Variants in ZNF302 observed in about 807,000 individuals in gnomAD.
ZNF302 encodes zinc finger protein 302.
Under a neutral mutation model 10.8 loss-of-function variants are expected in ZNF302, and 12 were observed. That is an observed-to-expected ratio of 1.11 (90% CI 0.71 to 1.79). The LOEUF is 1.79. Among genes scored for constraint, ZNF302 ranks in the 40% most tolerant of loss-of-function variants. The pLI is 0.00. For missense variants in ZNF302, 461 were observed against 471.1 expected (o/e 0.98, Z 0.20); for synonymous variants, 178 against 157.5 (o/e 1.13, Z -0.98).
Position 34,685,585 on chromosome 19 carries a change from G to A in ZNF302, c.*348G>A. Reference sequence around the variant, plus strand: ...CCAATAGTGTGGTAAGTGTGGAAAAGCCTTTAGATCATATGAATCCCTATA... The same window carrying A: ...CCAATAGTGTGGTAAGTGTGGAAAAACCTTTAGATCATATGAATCCCTATA... On this transcript the variant is annotated 3_prime_UTR_variant, in exon 5 of 5. Coordinates refer to ENST00000505242, the MANE Select transcript of ZNF302 (RefSeq NM_001289187.2). 3.6e-6 allele frequency: 5 copies of A among 1,403,664 alleles called. No individual in the cohort carries two copies. In the South Asian group the frequency reaches 5.8e-5, roughly 16 times the overall value. 87.0% of individuals were successfully genotyped at this position (1,403,664 alleles called of 1,614,324 possible).
In ZNF302 at chr19:34,684,287, A is replaced by G. The variant is rs556329881; in HGVS notation, c.250A>G (p.Thr84Ala). The G allele has an allele frequency of 2.6e-5, 41 of 1,564,276 alleles. No homozygotes were observed. Among genetic ancestry groups the G allele is most frequent in the Middle Eastern group, 1.7e-4 (1 of 5,802 alleles). The part of the protein sequence containing the change: ...ESRWENKELS[T>A]KKDIYDEDSP... The stretch of plus-strand genomic sequence containing the variant: ...AAGATGGGAAAACAAGGAATTATCA[A>G]CAAAGAAGGATATTTATGATGAAGA... The change falls in exon 5 of 5, where the codon ACA becomes GCA. Residue 84 changes from threonine (T) to alanine (A), a missense_variant. Coordinates refer to ENST00000505242, the MANE Select transcript of ZNF302 (RefSeq NM_001289187.2).
rs773583834 is a variant in ZNF302, at chr19:34,682,906, A to G, written c.130+9A>G. On this transcript the variant is annotated intron_variant, in intron 3 of 4. Transcript: ENST00000505242. ...GAACCTGGTCTCTGTAGGTAAGGAT[A>G]TCACCCCTTCCACTCCAATAGGGGA... 11 of 1,613,112 alleles carry G rather than the reference A, an allele frequency of 6.8e-6. No homozygotes were observed. The highest frequency in any genetic ancestry group is 3.3e-4 in the Middle Eastern group (2 of 6,074).
upstream of ZNF302, chr19:34,676,264 C>T (rs1052183725): frequency 3.9e-5 from 6 of 152,214 alleles, no homozygotes; most frequent in African/African-American, 1.4e-4. Context: ...CAAGGCCCCA[C>T]CTGATCCAGA....
rs1002522651 is a variant in ZNF302 at position 34,685,235 on chromosome 19, T to C, written c.1198T>C (p.Ter400GlnextTer149). Residue 400 changes from the stop codon to glutamine (Q), a stop_lost, in exon 5 of 5, where the codon TAG becomes CAG. Coordinates refer to ENST00000505242, the MANE Select transcript of ZNF302 (RefSeq NM_001289187.2). ...IHTEEKPFEV[*>Q] ...TACTGAAGAAAAACCGTTTGAAGTTTAGAAATGCAGGAAATCCTTCAACCA... is the reference window on the plus strand; with the variant it reads ...TACTGAAGAAAAACCGTTTGAAGTTCAGAAATGCAGGAAATCCTTCAACCA... 1.6e-5 allele frequency: 26 copies of C among 1,612,988 alleles called. 1 individual carries two copies. In the Admixed American group the frequency reaches 3.5e-4, roughly 22 times the overall value.
chr19:34,676,441 T>C (rs914066238), upstream of ZNF302: 4 of 152,212 alleles, frequency 2.6e-5, no homozygotes, highest in Non-Finnish European at 5.9e-5. Flanking sequence ...AAATTGAAAT[T>C]GCCCACCTCT....
chr19:34,683,253 G>T lies in ZNF302; in HGVS notation c.214+15G>T. 1 of 1,613,604 alleles carries T rather than the reference G, an allele frequency of 6.2e-7. No homozygotes were observed. The highest frequency in any genetic ancestry group is 1.3e-5 in the African/African-American group (1 of 75,026). On this transcript the variant is annotated intron_variant, in intron 4 of 4. Coordinates refer to ENST00000505242, the MANE Select transcript of ZNF302 (RefSeq NM_001289187.2). ...ACTGTCAAAAGGTATGATTCCACAT[G>T]AGTCATGGTGAACGAGACAAAGGAA...
intron 2 of ZNF302, chr19:34,679,761 A>G (rs1360559599): frequency 9.0e-6 from 6 of 669,974 alleles, no homozygotes; most frequent in Non-Finnish European, 1.6e-5. Flanking sequence ...TATGTTCAGT[A>G]TATGCACGTG....
rs761667917 is a variant in ZNF302 at position 34,684,372 on chromosome 19, C to T, written c.335C>T (p.Ser112Phe). The T allele has an allele frequency of 2.5e-6, 4 of 1,602,688 alleles. No individual in the cohort carries two copies. The Admixed American group carries it at 5.2e-5, about 21-fold the overall frequency. Residue 112 changes from serine (S) to phenylalanine (F), a missense_variant, in exon 5 of 5, where the codon TCT becomes TTT. Ser to Phe is a radical substitution (Grantham distance 155, BLOSUM62 -2). Coordinates refer to ENST00000505242, the MANE Select transcript of ZNF302 (RefSeq NM_001289187.2). Reference protein sequence around the residue: ...VVKQSYEFSNSNKNLEYTECD... With the variant: ...VVKQSYEFSNFNKNLEYTECD... The stretch of plus-strand genomic sequence containing the variant: ...AAACAAAGTTATGAATTTTCAAATT[C>T]TAATAAGAATTTGGAATATACAGAA...
chr19:34,676,765 T>G (rs2067967600), upstream of ZNF302: 1 of 152,196 alleles, frequency 6.6e-6, no homozygotes, highest in African/African-American at 2.4e-5. Context: ...TTTATAATTT[T>G]AAAAATGATT....
chr19:34,684,376 T>A lies in ZNF302; in HGVS notation c.339T>A (p.Asn113Lys). 6.2e-7 allele frequency: 1 copy of A among 1,602,952 alleles called. No individual in the cohort carries two copies. Among genetic ancestry groups the A allele is most frequent in the Non-Finnish European group, 8.5e-7 (1 of 1,176,676 alleles). The change falls in exon 5 of 5, where the codon AAT (asparagine) becomes AAA (lysine). Residue 113 changes from asparagine (N) to lysine (K), a missense_variant. Physicochemically the swap from Asn to Lys is moderately conservative, Grantham distance 94. Transcript: ENST00000505242. ...AAAGTTATGAATTTTCAAATTCTAA[T>A]AAGAATTTGGAATATACAGAATGCG... ...VKQSYEFSNS[N>K]KNLEYTECDT...
In ZNF302 at chr19:34,684,425, T is replaced by A; in HGVS notation, c.388T>A (p.Ser130Thr). 6.2e-7 allele frequency: 1 copy of A among 1,613,050 alleles called. No individual in the cohort carries two copies. The highest frequency in any genetic ancestry group is 1.7e-5 in the Admixed American group (1 of 59,936). The change falls in exon 5 of 5, where the codon TCA (serine) becomes ACA (threonine). Residue 130 changes from serine (S) to threonine (T), a missense_variant. Ser to Thr is a moderately conservative substitution (Grantham distance 58, BLOSUM62 1). Transcript: ENST00000505242. ...CGACACATTTAGAAGCACCTTTCAT[T>A]CAAAGTCTACTCTTTCTGAACCACA... The part of the protein sequence containing the change: ...ECDTFRSTFH[S>T]KSTLSEPQNN...
chr19:34,677,098 TAC>T, upstream of ZNF302: 1 of 147,806 alleles, frequency 6.8e-6, no homozygotes, highest in South Asian at 2.1e-4. Flanking sequence ...GTTGGCGAAC[TAC>T]AGTCGTGACA....
intron 2 of ZNF302, among the ~76,000 whole-genome samples, chr19:34,680,679 C>G (rs978822565): frequency 1.8e-4 from 28 of 152,252 alleles, no homozygotes; most frequent in African/African-American, 6.0e-4. Flanking sequence ...AAAGAAGCAT[C>G]CCTGGCTCTA....
At position 34,683,249 on chromosome 19, in the gene ZNF302, A is replaced by C; in HGVS notation, c.214+11A>C. On this transcript the variant is annotated intron_variant, in intron 4 of 4. Coordinates refer to ENST00000505242, the MANE Select transcript of ZNF302 (RefSeq NM_001289187.2). ...AAAAACTGTCAAAAGGTATGATTCC[A>C]CATGAGTCATGGTGAACGAGACAAA... is the stretch of plus-strand genomic sequence containing the variant. The C allele has an allele frequency of 6.2e-7, 1 of 1,613,950 alleles. No homozygotes were observed. Among genetic ancestry groups the C allele is most frequent in the Non-Finnish European group, 8.5e-7 (1 of 1,179,816 alleles).
chr19:34,679,527 G>A (rs1244398694), intron 2 of ZNF302, among the ~76,000 whole-genome samples: 1 of 152,134 alleles, frequency 6.6e-6, no homozygotes, highest in African/African-American at 2.4e-5. Flanking sequence ...GTGCGCTCCA[G>A]CCTCTGTCAC....
upstream of ZNF302, chr19:34,676,529 A>C (rs1277455877): frequency 6.6e-6 from 1 of 152,178 alleles, no homozygotes; most frequent in African/African-American, 2.4e-5. Flanking sequence ...CTAGTCCAGC[A>C]GCCCAAGCTG....
At chr19:34,683,428 C>T (rs1384275242) in intron 4 of ZNF302, among the ~76,000 whole-genome samples, 190 bp downstream of exon 4, 1 of 152,198 alleles carries the variant, frequency 6.6e-6, no homozygotes, top group Non-Finnish European at 1.5e-5. Context: ...CTGTATCACT[C>T]ATGTCACCTA....
At chr19:34,683,763 G>A (rs1378965720) in intron 4 of ZNF302, among the ~76,000 whole-genome samples, 2 of 152,040 alleles carry the variant, frequency 1.3e-5, no homozygotes, top group Non-Finnish European at 2.9e-5. Context: ...CATTTACTTT[G>A]TTTTTACTGC....
intron 4 of ZNF302, among the ~76,000 whole-genome samples, 196 bp downstream of exon 4, chr19:34,683,434 A>G (rs554914624): frequency 6.6e-6 from 1 of 152,312 alleles, no homozygotes; most frequent in East Asian, 1.9e-4. Flanking sequence ...CACTCATGTC[A>G]CCTAATCAAG....
Sources: gnomAD v4.1 joint callset for allele counts (sites outside exome capture counted in the v4.1 genomes callset) on GRCh38, gnomAD v4.1.1 for gene constraint, MANE v1.5 for transcripts, NCBI Gene and HGNC (gene_info 2026-07-23, HGNC 2026-07-21) for gene names.